The following GREB1L variants were observed in gnomAD, a reference collection of about 807,000 sequenced individuals.
GREB1L encodes the protein GREB1-like protein.
GREB1L carries 17 observed loss-of-function variants against 200.8 expected under a neutral mutation model. The observed-to-expected ratio is 0.08, with a 90% CI of 0.06 to 0.13. The LOEUF (loss-of-function observed/expected upper bound fraction) is 0.13. Ranked by LOEUF, GREB1L falls within the 10% of genes least tolerant of loss-of-function variation. GREB1L has a pLI of 1.00. For missense variants in GREB1L, 1,657 were observed against 2,367.7 expected (o/e 0.70, Z 6.23); for synonymous variants, 789 against 893.0 (o/e 0.88, Z 2.08).
intron 1 of GREB1L, among the ~76,000 whole-genome samples, chr18:21,278,060 T>G (rs1440480807): frequency 6.6e-6 from 1 of 152,074 alleles, no homozygotes; most frequent in Non-Finnish European, 1.5e-5. Flanking sequence ...TTGAAGCCAT[T>G]TAGGCTTATA....
chr18:21,399,056 T>C (rs996263077), intron 5 of GREB1L, among the ~76,000 whole-genome samples: 2 of 152,198 alleles, frequency 1.3e-5, no homozygotes, highest in Admixed American at 1.3e-4. Context: ...TTCAGACCCA[T>C]GGCTTTTCTT....
chr18:21,376,497 A>C (rs1160325671), intron 2 of GREB1L, among the ~76,000 whole-genome samples: 1 of 151,504 alleles, frequency 6.6e-6, no homozygotes, highest in Non-Finnish European at 1.5e-5. Flanking sequence ...GTAGATTCTA[A>C]GACATAATTA....
At chr18:21,502,143 T>A (rs2036823084) in intron 23 of GREB1L, among the ~76,000 whole-genome samples, 1 of 152,032 alleles carries the variant, frequency 6.6e-6, no homozygotes, top group African/African-American at 2.4e-5. Flanking sequence ...TCCCAGCTAC[T>A]TGGGAGGCTG....
chr18:21,333,659 G>A (rs925140050), intron 1 of GREB1L, among the ~76,000 whole-genome samples: 2 of 145,676 alleles, frequency 1.4e-5, no homozygotes, highest in Non-Finnish European at 3.0e-5. Flanking sequence ...TGGGGGACAA[G>A]AGTAAAACTC....
At chr18:21,378,577 G>A (rs565163082) in intron 2 of GREB1L, among the ~76,000 whole-genome samples, 2 of 152,244 alleles carry the variant, frequency 1.3e-5, no homozygotes, top group South Asian at 4.1e-4. Flanking sequence ...GTTTTGCCAT[G>A]TTGGCCAGGC....
At chr18:21,501,066 CAA>C (rs11295281) in intron 23 of GREB1L, among the ~76,000 whole-genome samples, 67 of 87,038 alleles carry the variant, frequency 7.7e-4, no homozygotes, top group South Asian at 1.5e-3. Context: ...GACTTTGTCT[CAA>C]AAAAAAAAAA....
intron 7 of GREB1L, among the ~76,000 whole-genome samples, chr18:21,404,968 T>C (rs1440655346): frequency 2.6e-5 from 4 of 152,242 alleles, no homozygotes; most frequent in African/African-American, 9.6e-5. Context: ...TCTGATGAGC[T>C]GGTCAATTGT....
rs1240305933 is a variant in GREB1L at position 21,525,989 on chromosome 18, T to C, written c.*3168T>C. Among the ~76,000 whole-genome samples the C allele has an allele frequency of 1.3e-5, 2 of 152,150 alleles. No individual in the cohort carries two copies. Among genetic ancestry groups the C allele is most frequent in the African/African-American group, 2.4e-5 (1 of 41,434 alleles). ...AGTAAAGACTACTGGTGTTCCACTA[T>C]ACATTCCAAAGCAGCTGCCTTGAAA... is the stretch of plus-strand genomic sequence containing the variant. On this transcript the variant is annotated 3_prime_UTR_variant, in exon 33 of 33. Coordinates refer to ENST00000424526, the MANE Select transcript of GREB1L (RefSeq NM_001142966.3).
At chr18:21,435,375 G>T (rs770211951) in intron 7 of GREB1L, among the ~76,000 whole-genome samples, 1 of 152,108 alleles carries the variant, frequency 6.6e-6, no homozygotes, top group South Asian at 2.1e-4. Context: ...CAAAGATAAG[G>T]TTCAATCCCT....
chr18:21,461,779 G>A (rs1268624203), intron 15 of GREB1L, among the ~76,000 whole-genome samples: 2 of 152,140 alleles, frequency 1.3e-5, no homozygotes, highest in Non-Finnish European at 2.9e-5. Context: ...ATTTTACTAT[G>A]CATGAATATT....
chr18:21,342,838 A>G (rs1453951569), intron 1 of GREB1L, among the ~76,000 whole-genome samples: 2 of 152,190 alleles, frequency 1.3e-5, no homozygotes, highest in Non-Finnish European at 2.9e-5. Context: ...TTGATTTACT[A>G]ACCACCATGC....
intron 1 of GREB1L, among the ~76,000 whole-genome samples, chr18:21,316,570 G>T (rs1368691433): frequency 6.6e-6 from 1 of 152,098 alleles, no homozygotes; most frequent in East Asian, 1.9e-4. Flanking sequence ...ATGCTTTTGT[G>T]CTCTTGGAAC....
chr18:21,245,405 A>G (rs1379357135), intron 1 of GREB1L, among the ~76,000 whole-genome samples: 1 of 152,240 alleles, frequency 6.6e-6, no homozygotes, highest in Non-Finnish European at 1.5e-5. Context: ...TGATTGATTA[A>G]TGAAGCTGAC....
chr18:21,486,374 C>T (rs2036131461), intron 18 of GREB1L, among the ~76,000 whole-genome samples: 1 of 151,702 alleles, frequency 6.6e-6, no homozygotes. Context: ...AAAAAAAGTC[C>T]CACTTCTCTG....
At chr18:21,452,268 T>C in intron 14 of GREB1L, 51 bp downstream of exon 14, 1 of 1,517,298 alleles carries the variant, frequency 6.6e-7, no homozygotes, top group Non-Finnish European at 8.9e-7. Flanking sequence ...GGACAGACAT[T>C]GTAAAAACTA....
intron 15 of GREB1L, among the ~76,000 whole-genome samples, chr18:21,468,314 G>T (rs2035346846): frequency 6.6e-6 from 1 of 152,154 alleles, no homozygotes; most frequent in Non-Finnish European, 1.5e-5. Context: ...AATCCCACTT[G>T]CATGAAATGT....
At chr18:21,512,768 C>G (rs2146068351) in intron 27 of GREB1L, among the ~76,000 whole-genome samples, 1 of 152,094 alleles carries the variant, frequency 6.6e-6, no homozygotes, top group African/African-American at 2.4e-5. Context: ...AGTCTTTCAC[C>G]ATTGACTATG....
chr18:21,360,522 G>A (rs547211658), intron 1 of GREB1L, among the ~76,000 whole-genome samples: 20 of 152,250 alleles, frequency 1.3e-4, no homozygotes, highest in Admixed American at 1.0e-3. Flanking sequence ...CACTGCACCC[G>A]GTGACTGATA....
intron 7 of GREB1L, among the ~76,000 whole-genome samples, chr18:21,434,748 G>A (rs2033431144): frequency 1.3e-5 from 2 of 151,822 alleles, no homozygotes; most frequent in African/African-American, 4.8e-5. Context: ...GCATCACGTG[G>A]TAACTTCTAG....
Sources: allele counts gnomAD v4.1 joint callset (sites outside exome capture counted in the v4.1 genomes callset), GRCh38; gene constraint gnomAD v4.1.1; transcripts MANE v1.5; gene names NCBI Gene and HGNC (gene_info 2026-07-23, HGNC 2026-07-21).